The following PTPRT variants were observed in gnomAD, a reference collection of about 807,000 sequenced individuals.
PTPRT encodes receptor-type tyrosine-protein phosphatase T.
PTPRT carries 56 observed loss-of-function variants against 176.8 expected under a neutral mutation model. That is an observed-to-expected ratio of 0.32 (90% CI 0.26 to 0.40). The LOEUF is 0.40. Among genes scored for constraint, PTPRT ranks in the 10% least tolerant of loss-of-function variants. The pLI, the probability that PTPRT is intolerant of heterozygous loss-of-function variation, is 1.00. For synonymous variants in PTPRT, 783 were observed against 739.0 expected (o/e 1.06, Z -0.96); for missense variants, 1,540 against 1,908.2 (o/e 0.81, Z 3.60).
intron 6 of PTPRT, among the ~76,000 whole-genome samples, chr20:42,706,996 G>A (rs1049794140): frequency 6.6e-6 from 1 of 152,156 alleles, no homozygotes; most frequent in Non-Finnish European, 1.5e-5. Flanking sequence ...GAGGACTGGA[G>A]TAATGAATCT....
chr20:42,895,837 G>A (rs1183939177), intron 1 of PTPRT, among the ~76,000 whole-genome samples: 1 of 152,148 alleles, frequency 6.6e-6, no homozygotes, highest in Non-Finnish European at 1.5e-5. Flanking sequence ...TGGCTGGTAG[G>A]CTATAGCTGG....
chr20:42,188,222 T>G (rs913546349), intron 16 of PTPRT, among the ~76,000 whole-genome samples: 1 of 152,188 alleles, frequency 6.6e-6, no homozygotes. Flanking sequence ...AAGGAAGAGC[T>G]TCAGGGCTAA....
chr20:42,861,242 G>T (rs1050579744), intron 2 of PTPRT, among the ~76,000 whole-genome samples: 2 of 152,138 alleles, frequency 1.3e-5, no homozygotes, highest in African/African-American at 2.4e-5. Context: ...TCCCAAAGTT[G>T]CCAGTCCCTG....
chr20:42,958,187 GGGTGGGGGACAGAA>G (rs922727915), intron 1 of PTPRT, among the ~76,000 whole-genome samples: 3 of 125,552 alleles, frequency 2.4e-5, no homozygotes, highest in Non-Finnish European at 4.9e-5. Flanking sequence ...GGGAGAGGTG[GGGTGGGGGACAGAA>G]GGTGGGGGAC....
At chr20:42,691,304 C>T (rs1246179046) in intron 6 of PTPRT, among the ~76,000 whole-genome samples, 1 of 152,202 alleles carries the variant, frequency 6.6e-6, no homozygotes, top group Non-Finnish European at 1.5e-5. Flanking sequence ...CAACCTGAGT[C>T]CAGGAAGCTT....
chr20:42,188,162 G>A (rs6102720), intron 16 of PTPRT, among the ~76,000 whole-genome samples: 4,761 of 152,232 alleles, frequency 0.031, 245 homozygotes, highest in African/African-American at 0.11. Flanking sequence ...CCCTTCCTGT[G>A]CTATCTCATT....
chr20:42,869,146 C>T (rs964634183), intron 2 of PTPRT, among the ~76,000 whole-genome samples: 1 of 152,178 alleles, frequency 6.6e-6, no homozygotes, highest in Admixed American at 6.5e-5. Context: ...CTCTGAGAAC[C>T]CTCACTAGTG....
intron 7 of PTPRT, among the ~76,000 whole-genome samples, chr20:42,620,013 C>T (rs1286230444): frequency 1.3e-5 from 2 of 150,054 alleles, no homozygotes; most frequent in Non-Finnish European, 3.0e-5. Flanking sequence ...GGAGGAGAGG[C>T]GCTCTGCGTT....
rs183719666 is a variant in PTPRT at position 43,135,809 on chromosome 20, G to A, written c.88+53837C>T. 4.1e-4 allele frequency among the ~76,000 whole-genome samples: 63 copies of A among 152,244 alleles called. 1 individual carries two copies. Among genetic ancestry groups the A allele is most frequent in the African/African-American group, 1.4e-3 (59 of 41,540 alleles). On this transcript the variant is annotated intron_variant, in intron 1 of 30. Coordinates refer to ENST00000373187, the MANE Select transcript of PTPRT (RefSeq NM_007050.6). Reference sequence around the variant, plus strand: ...ATTGACAGTGTATTGGAGGCGGTGGGGGGCTTTCGTCTTTCCTGATTCTGA... The same window carrying A: ...ATTGACAGTGTATTGGAGGCGGTGGAGGGCTTTCGTCTTTCCTGATTCTGA...
chr20:42,582,644 G>A (rs1188404494), intron 7 of PTPRT, among the ~76,000 whole-genome samples: 1 of 152,170 alleles, frequency 6.6e-6, no homozygotes, highest in East Asian at 1.9e-4. Flanking sequence ...CCAAACTCTG[G>A]CAACTGTGGT....
chr20:42,321,544 T>G (rs2057798488), intron 11 of PTPRT, among the ~76,000 whole-genome samples: 2 of 152,308 alleles, frequency 1.3e-5, no homozygotes, highest in Non-Finnish European at 2.9e-5. Flanking sequence ...TCATTCCAAT[T>G]TCACCAAAGC....
rs140986361 is a variant in PTPRT at position 42,388,401 on chromosome 20, T to A, written c.1561-36116A>T. Among the ~76,000 whole-genome samples, 683 of 152,030 alleles carry A rather than the reference T, an allele frequency of 4.5e-3. 5 individuals are homozygous for A. The highest frequency in any genetic ancestry group is 0.015 in the African/African-American group (640 of 41,442). ...TCTGACAAAGCGCTAATATCCAGAA[T>A]CTACAAAGCACTTAAACAAATTTAC... On this transcript the variant is annotated intron_variant, in intron 9 of 30. Transcript: ENST00000373187.
intron 9 of PTPRT, among the ~76,000 whole-genome samples, chr20:42,423,178 T>TAAA (rs34775268): frequency 0.15 from 12,859 of 87,926 alleles, 1,076 homozygotes; most frequent in Admixed American, 0.23. Flanking sequence ...ACCTTAAAAG[T>TAAA]AAAAAAAAAA....
At chr20:42,818,827 A>T (rs2077838272) in intron 2 of PTPRT, among the ~76,000 whole-genome samples, 1 of 152,212 alleles carries the variant, frequency 6.6e-6, no homozygotes, top group Non-Finnish European at 1.5e-5. Context: ...TTACTAAAAT[A>T]AGATATGCAG....
At chr20:42,449,949 T>G (rs1326848450) in intron 8 of PTPRT, among the ~76,000 whole-genome samples, 1 of 152,228 alleles carries the variant, frequency 6.6e-6, no homozygotes, top group African/African-American at 2.4e-5. Flanking sequence ...GATATGCCTA[T>G]GCATATATAT....
intron 9 of PTPRT, among the ~76,000 whole-genome samples, chr20:42,354,852 T>C (rs769046524): frequency 6.6e-5 from 10 of 152,288 alleles, no homozygotes; most frequent in Non-Finnish European, 1.2e-4. Context: ...TGCCGCATCC[T>C]TGAGGAGAGA....
At chr20:42,085,938 C>T (rs1202655554) in intron 27 of PTPRT, 85 bp from the exon 28 acceptor site, 36 of 1,391,558 alleles carry the variant, frequency 2.6e-5, no homozygotes, top group African/African-American at 1.5e-5. Context: ...CTTTTCTTTT[C>T]TTTTTTTCTT....
intron 14 of PTPRT, among the ~76,000 whole-genome samples, chr20:42,237,904 A>G (rs2056276653): frequency 6.6e-6 from 1 of 152,210 alleles, no homozygotes; most frequent in Non-Finnish European, 1.5e-5. Context: ...CTATTTGATT[A>G]CTTGCAACCA....
At chr20:43,018,095 G>C (rs764071916) in intron 1 of PTPRT, among the ~76,000 whole-genome samples, 43 of 152,328 alleles carry the variant, frequency 2.8e-4, no homozygotes, top group Middle Eastern at 3.4e-3. Flanking sequence ...GTTCAGAGAG[G>C]TTGAGGGATT....
Sources: gnomAD v4.1 joint callset for allele counts (sites outside exome capture counted in the v4.1 genomes callset) on GRCh38, gnomAD v4.1.1 for gene constraint, MANE v1.5 for transcripts, NCBI Gene and HGNC (gene_info 2026-07-23, HGNC 2026-07-21) for gene names.